The following POLQ variants were observed in gnomAD, a reference collection of about 807,000 sequenced individuals.
POLQ encodes the protein DNA polymerase theta.
In POLQ, 233 loss-of-function variants were observed where a neutral mutation model predicts 259.2. That is an observed-to-expected ratio of 0.90 (90% CI 0.81 to 1.00). The LOEUF (loss-of-function observed/expected upper bound fraction) is 1.00. Ranked by LOEUF, POLQ falls within the 50% of genes least tolerant of loss-of-function variation. The pLI is 0.00. For missense variants in POLQ, 2,871 were observed against 3,051.6 expected (o/e 0.94, Z 1.39); for synonymous variants, 1,025 against 1,048.8 (o/e 0.98, Z 0.44).
Position 121,490,112 on chromosome 3 carries a change from C to A in POLQ, c.2819G>T (p.Ser940Ile). The A allele has an allele frequency of 6.2e-7, 1 of 1,603,402 alleles. No individual in the cohort carries two copies. Among genetic ancestry groups the A allele is most frequent in the Non-Finnish European group, 8.5e-7 (1 of 1,172,926 alleles). The change falls in exon 16 of 30, where the codon AGT becomes ATT. Residue 940 changes from serine to isoleucine, a missense_variant. Physicochemically the swap from Ser to Ile is moderately radical, Grantham distance 142. Around this residue, in one of 3 missense-constraint regions of POLQ, gnomAD observed 2,080 missense variants for 2,126.0 expected, o/e 0.98. Coordinates refer to ENST00000264233, the MANE Select transcript of POLQ (RefSeq NM_199420.4). ...ATAAGAATCACTAAATATTGTGTTA[C>A]TTTTGTTCTTTGATGTTAATTTTTT... ...SYKKLTSKNK[S>I]NTIFSDSYIK...
chr3:121,476,421 G>GT, intron 20 of POLQ, 119 bp downstream of exon 20: 2 of 653,124 alleles, frequency 3.1e-6, no homozygotes, highest in Non-Finnish European at 5.0e-6. Flanking sequence ...TTAACTGGCT[G>GT]TTTCATTTTA....
intron 20 of POLQ, among the ~76,000 whole-genome samples, chr3:121,475,940 C>T (rs1299831038): frequency 6.7e-6 from 1 of 149,914 alleles, no homozygotes. Flanking sequence ...AAAGCAGATA[C>T]CAAAAAGAAA....
rs536728981 is a variant in POLQ, at chr3:121,490,017, T to A, written c.2914A>T (p.Asn972Tyr). 1 of 1,576,108 alleles carries A rather than the reference T, an allele frequency of 6.3e-7. No individual in the cohort carries two copies. The highest frequency in any genetic ancestry group is 8.6e-7 in the Non-Finnish European group (1 of 1,168,558). The change falls in exon 16 of 30, where the codon AAT becomes TAT. Residue 972 changes from asparagine to tyrosine, a missense_variant. By Grantham distance (143) the Asn-to-Tyr change is moderately radical (BLOSUM62 -2). This residue lies in a region of POLQ where 2,080 missense variants were observed against 2,126.0 expected (regional missense o/e 0.98). Coordinates refer to ENST00000264233, the MANE Select transcript of POLQ (RefSeq NM_199420.4). The stretch of plus-strand genomic sequence containing the variant: ...TGTTCTTGATTCCCATTCTGGAAAT[T>A]ACAATTAAAGGAACTTGTATGCTCT... ...SREHTSSFNCNFQNGNQEHQT... is the reference protein window; with the variant it reads ...SREHTSSFNCYFQNGNQEHQT...
intron 15 of POLQ, among the ~76,000 whole-genome samples, chr3:121,492,836 T>A: frequency 6.8e-6 from 1 of 146,054 alleles, no homozygotes; most frequent in East Asian, 2.0e-4. Flanking sequence ...TTAGTAGCGA[T>A]GAGATCTTGC....
At chr3:121,543,720 A>C (rs2048507062) in intron 2 of POLQ, among the ~76,000 whole-genome samples, 1 of 152,216 alleles carries the variant, frequency 6.6e-6, no homozygotes, top group Admixed American at 6.5e-5. Flanking sequence ...ATGGTGGCTC[A>C]TGCCTGTAAT....
chr3:121,484,970 A>C, intron 17 of POLQ, 71 bp downstream of exon 17: 1 of 1,149,208 alleles, frequency 8.7e-7, no homozygotes, highest in Non-Finnish European at 1.2e-6. Flanking sequence ...TTATTCTCAA[A>C]ATATAAGATC....
At chr3:121,493,119 T>C (rs923443469) in intron 15 of POLQ, among the ~76,000 whole-genome samples, 2 of 152,002 alleles carry the variant, frequency 1.3e-5, no homozygotes, top group Non-Finnish European at 2.9e-5. Context: ...CTGGCCAACA[T>C]GGTGAAACCC....
At chr3:121,457,003 C>G (rs1440520248) in intron 25 of POLQ, among the ~76,000 whole-genome samples, 1 of 152,158 alleles carries the variant, frequency 6.6e-6, no homozygotes, top group African/African-American at 2.4e-5. Context: ...GCTACAGTAA[C>G]CAAAACAGCA....
intron 9 of POLQ, among the ~76,000 whole-genome samples, chr3:121,512,730 A>G (rs1314555916): frequency 6.6e-6 from 1 of 152,344 alleles, no homozygotes; most frequent in African/African-American, 2.4e-5. Flanking sequence ...AGAACCTAAG[A>G]AAGTAGAGGA....
At chr3:121,486,757 G>A (rs577234954) in intron 16 of POLQ, among the ~76,000 whole-genome samples, 1 of 151,998 alleles carries the variant, frequency 6.6e-6, no homozygotes, top group African/African-American at 2.4e-5. Flanking sequence ...TAGCTACTTG[G>A]GAGGCTGAGG....
chr3:121,472,073 A>G lies in POLQ; in HGVS notation c.6635T>C (p.Phe2212Ser), dbSNP rs1283075910. The G allele has an allele frequency of 1.9e-6, 3 of 1,587,700 alleles. No individual in the cohort carries two copies. The highest frequency in any genetic ancestry group is 2.6e-6 in the Non-Finnish European group (3 of 1,159,660). Residue 2212 changes from phenylalanine to serine, a missense_variant, in exon 22 of 30, where the codon TTT (phenylalanine) becomes TCT (serine). Around this residue, in one of 3 missense-constraint regions of POLQ, gnomAD observed 2,080 missense variants for 2,126.0 expected, o/e 0.98. Transcript: ENST00000264233. The stretch of plus-strand genomic sequence containing the variant: ...AAGACACTTTTCCCGCTGAAGGGGA[A>G]AGACCACTTTGGTAATAGCATTAGT... ...RITNAITKVV[F>S]PLQREKCLNP...
At chr3:121,523,844 T>A (rs2048354814) in intron 7 of POLQ, among the ~76,000 whole-genome samples, 1 of 152,194 alleles carries the variant, frequency 6.6e-6, no homozygotes, top group African/African-American at 2.4e-5. Context: ...CATTTTTAAA[T>A]TTTTAGGTAA....
chr3:121,445,180 T>C (rs997951121), intron 26 of POLQ, among the ~76,000 whole-genome samples: 2 of 152,182 alleles, frequency 1.3e-5, no homozygotes, highest in African/African-American at 4.8e-5. Flanking sequence ...TTCAGTAGGA[T>C]TGGTATTAGT....
intron 18 of POLQ, among the ~76,000 whole-genome samples, chr3:121,482,927 C>A (rs927024611): frequency 2.0e-5 from 3 of 152,150 alleles, no homozygotes; most frequent in Non-Finnish European, 2.9e-5. Context: ...AAGGAAAGTT[C>A]TCAGGAGCCA....
intron 9 of POLQ, among the ~76,000 whole-genome samples, chr3:121,512,630 G>A (rs865897386): frequency 1.3e-5 from 2 of 152,206 alleles, no homozygotes; most frequent in Middle Eastern, 3.4e-3. Flanking sequence ...AGGCTTCCAT[G>A]TACATAAAAA....
At chr3:121,498,425 C>T (rs2048141305) in intron 13 of POLQ, 52 bp downstream of exon 13, 1 of 1,287,572 alleles carries the variant, frequency 7.8e-7, no homozygotes, top group Non-Finnish European at 1.1e-6. Flanking sequence ...GCGTCTACTA[C>T]ATGCAAGACA....
chr3:121,436,187 T>C lies in POLQ; in HGVS notation c.7478A>G (p.Glu2493Gly). ...IATVNIQKQL[E>G]TFHSTFKSHG... ...GGATTTGAAGGTTGAGTGGAAGGTC[T>C]CTAATTGCTTCTGAATGTTAACTGT... Residue 2493 changes from glutamate to glycine, a missense_variant, in exon 28 of 30, where the codon GAG becomes GGG. Transcript: ENST00000264233. 1 of 1,613,806 alleles carries C rather than the reference T, an allele frequency of 6.2e-7. No homozygotes were observed. Among genetic ancestry groups the C allele is most frequent in the Non-Finnish European group, 8.5e-7 (1 of 1,179,708 alleles).
At chr3:121,537,986 T>C (rs1362733859) in intron 4 of POLQ, among the ~76,000 whole-genome samples, 1 of 152,160 alleles carries the variant, frequency 6.6e-6, no homozygotes, top group Non-Finnish European at 1.5e-5. Flanking sequence ...TATACTGATC[T>C]AAAAATCAAT....
intron 28 of POLQ, among the ~76,000 whole-genome samples, chr3:121,434,424 A>G (rs571223827): frequency 1.4e-4 from 21 of 152,358 alleles, no homozygotes; most frequent in African/African-American, 5.0e-4. Context: ...CCTTTCTTAA[A>G]TAGAACTTAA....
Sources: allele counts gnomAD v4.1 joint callset (sites outside exome capture counted in the v4.1 genomes callset), GRCh38; gene constraint gnomAD v4.1.1; regional missense constraint gnomAD v4.1.1; transcripts MANE v1.5; gene names NCBI Gene and HGNC (gene_info 2026-07-23, HGNC 2026-07-21).